Variants in TRPM6 observed in about 807,000 individuals in gnomAD.
TRPM6 encodes channel kinase 2.
A neutral mutation model predicts 247.6 loss-of-function variants in TRPM6; 111 were observed. The observed-to-expected ratio is 0.45, with a 90% CI of 0.38 to 0.52. The LOEUF is 0.52. Ranked by LOEUF, TRPM6 falls within the 20% of genes least tolerant of loss-of-function variation. The probability of loss-of-function intolerance (pLI) is 0.00; values close to 1 mark genes in which losing one functional copy is unlikely to be tolerated. For synonymous variants in TRPM6, 892 were observed against 853.8 expected, an observed-to-expected ratio of 1.04 and a Z score of -0.78; for missense variants, 2,126 against 2,421.5, an observed-to-expected ratio of 0.88 and a Z score of 2.56.
intron 14 of TRPM6, 104 bp downstream of exon 14, chr9:74,807,930 A>G (rs1828588648): frequency 1.9e-5 from 24 of 1,259,874 alleles, no homozygotes; most frequent in Middle Eastern, 2.3e-4. Context: ...AAATAAAATG[A>G]CCATTTTAGG....
chr9:74,819,252 C>T (rs570420278), intron 9 of TRPM6, among the ~76,000 whole-genome samples: 2 of 151,354 alleles, frequency 1.3e-5, no homozygotes, highest in South Asian at 2.1e-4. Flanking sequence ...GAGGTTGCAG[C>T]GAGCCAAGAT....
intron 3 of TRPM6, among the ~76,000 whole-genome samples, chr9:74,851,762 A>T (rs111877777): frequency 2.6e-5 from 3 of 116,608 alleles, no homozygotes; most frequent in African/African-American, 6.0e-5. Context: ...AAAAAAAAAA[A>T]AATATATATA....
intron 25 of TRPM6, among the ~76,000 whole-genome samples, chr9:74,769,676 T>G (rs1826956630): frequency 1.3e-5 from 2 of 151,746 alleles, no homozygotes; most frequent in African/African-American, 4.8e-5. Flanking sequence ...GAGAATTGCT[T>G]GAACCCGGGA....
At chr9:74,812,692 C>T (rs1288882823) in intron 11 of TRPM6, among the ~76,000 whole-genome samples, 1 of 152,002 alleles carries the variant, frequency 6.6e-6, no homozygotes, top group Non-Finnish European at 1.5e-5. Context: ...GTGTTCCAAA[C>T]CAGCCTTGGC....
chr9:74,833,957 C>G (rs747643604), intron 6 of TRPM6, 41 bp downstream of exon 6: 4 of 1,611,816 alleles, frequency 2.5e-6, no homozygotes, highest in East Asian at 4.5e-5. Flanking sequence ...AATTTGCACA[C>G]GTGTTCGTTT....
intron 26 of TRPM6, 55 bp from the exon 27 acceptor site, chr9:74,761,863 T>C: frequency 6.6e-7 from 1 of 1,519,146 alleles, no homozygotes; most frequent in Non-Finnish European, 9.1e-7. Context: ...GGGAACATTT[T>C]GTTTTACAGA....
At chr9:74,773,673 G>A (rs79451653) in intron 24 of TRPM6, among the ~76,000 whole-genome samples, 4,110 of 152,174 alleles carry the variant, frequency 0.027, 178 homozygotes, top group African/African-American at 0.091. Flanking sequence ...GAATGGTTTT[G>A]CTTACATTAG....
chr9:74,853,212 C>T (rs10869449), intron 3 of TRPM6, among the ~76,000 whole-genome samples: 46,612 of 150,372 alleles, frequency 0.31, 8,375 homozygotes, highest in East Asian at 0.5. Flanking sequence ...CCCCTCCGCC[C>T]GGCAGCCGCC....
At position 74,800,409 on chromosome 9, in the gene TRPM6, A is replaced by G. The variant is rs750342443; in HGVS notation, c.2083T>C (p.Leu695=). The change falls in exon 17 of 39, where the codon TTG becomes CTG. Residue 695 remains leucine, a synonymous_variant. Transcript: ENST00000360774. Reference sequence around the variant, plus strand: ...CTCCAGTTCCTGAGTTCATACGTCAACAGCGTCATGGCCATGCGCTCATTC... The same window carrying G: ...CTCCAGTTCCTGAGTTCATACGTCAGCAGCGTCATGGCCATGCGCTCATTC... ...KQNERMAMTL[L]TYELRNWSNS... is the part of the protein sequence containing the mutation. The G allele has an allele frequency of 6.2e-7, 1 of 1,614,050 alleles. No homozygotes were observed. The highest frequency in any genetic ancestry group is 8.5e-7 in the Non-Finnish European group (1 of 1,180,010).
At position 74,803,843 on chromosome 9, in the gene TRPM6, C is replaced by T; in HGVS notation, c.1682G>A (p.Ser561Asn). ...SSGNRNESAE[S>N]TLHSQFIRTA... is the part of the protein sequence containing the mutation. Reference sequence around the variant, plus strand: ...TCTAATGAACTGGGAGTGCAGCGTACTTTCTGCAGACTCATTTCTATTTCC... The same window carrying T: ...TCTAATGAACTGGGAGTGCAGCGTATTTTCTGCAGACTCATTTCTATTTCC... Residue 561 changes from serine to asparagine, a missense_variant, in exon 15 of 39, where the codon AGT becomes AAT. By Grantham distance (46) the Ser-to-Asn change is conservative (BLOSUM62 1). Coordinates refer to ENST00000360774, the MANE Select transcript of TRPM6 (RefSeq NM_017662.5). The T allele has an allele frequency of 3.1e-6, 5 of 1,613,870 alleles. No homozygotes were observed. Among genetic ancestry groups the T allele is most frequent in the Non-Finnish European group, 4.2e-6 (5 of 1,179,794 alleles).
chr9:74,761,716 T>A lies in TRPM6; in HGVS notation c.4765A>T (p.Thr1589Ser). The A allele has an allele frequency of 6.2e-7, 1 of 1,611,394 alleles. No homozygotes were observed. Among genetic ancestry groups the A allele is most frequent in the Non-Finnish European group, 8.5e-7 (1 of 1,177,626 alleles). ...DRRLSKKKKN[T>S]QGLQVPIITV... is the part of the protein sequence containing the mutation. ...CTTACTGGCACCTGGAGTCCTTGAG[T>A]ATTCTTCTTTTTCTTTGACAGTCTC... The change falls in exon 27 of 39, where the codon ACT becomes TCT. Residue 1589 changes from threonine (T) to serine (S), a missense_variant. By Grantham distance (58) the Thr-to-Ser change is moderately conservative. Around this residue, in one of 3 missense-constraint regions of TRPM6, gnomAD observed 717 missense variants for 715.9 expected, o/e 1.00. Coordinates refer to ENST00000360774, the MANE Select transcript of TRPM6 (RefSeq NM_017662.5).
chr9:74,839,886 G>T lies in TRPM6; in HGVS notation c.544+138C>A. ...GGAAGGAAGGAAGGAAGGAAGGAAG[G>T]AAGGAAGGAGGGAGGGAGGGAGGGA... On this transcript the variant is annotated intron_variant, in intron 5 of 38. Transcript: ENST00000360774. The T allele has an allele frequency of 1.4e-5, 8 of 577,350 alleles. No homozygotes were observed. In the South Asian group the frequency reaches 1.5e-4, roughly 11 times the overall value. The allele number at this position is 577,350 out of a possible 1,614,324, so 35.8% of individuals were successfully genotyped here.
chr9:74,821,567 TA>T, intron 8 of TRPM6, 101 bp downstream of exon 8: 1 of 1,372,984 alleles, frequency 7.3e-7, no homozygotes, highest in Non-Finnish European at 1.0e-6. Context: ...TCAACTTCTA[TA>T]ATCCAAGAAT....
At chr9:74,881,914 G>A (rs1831376967) in intron 1 of TRPM6, among the ~76,000 whole-genome samples, 1 of 152,138 alleles carries the variant, frequency 6.6e-6, no homozygotes, top group Non-Finnish European at 1.5e-5. Context: ...ACAGCTAACT[G>A]AATTTTGACA....
Position 74,762,885 on chromosome 9 carries a change from T to C in TRPM6, c.3786A>G (p.Leu1262=), listed in dbSNP as rs1826701555. ...SWSNVICAEV[L]GSMEIAGEKK... ...TCTCTCCAGCGATCTCCATGCTGCC[T>C]AGAACCTCTGCACAGATGACATTGC... Residue 1262 remains leucine, a synonymous_variant, in exon 26 of 39, where the codon CTA becomes CTG. Transcript: ENST00000360774. 1.9e-6 allele frequency: 3 copies of C among 1,613,486 alleles called. No homozygotes were observed. Among genetic ancestry groups the C allele is most frequent in the Admixed American group, 1.7e-5 (1 of 59,938 alleles).
At chr9:74,795,582 C>T (rs748118377) in intron 18 of TRPM6, among the ~76,000 whole-genome samples, 1 of 152,158 alleles carries the variant, frequency 6.6e-6, no homozygotes, top group East Asian at 1.9e-4. Context: ...CTCACCACAT[C>T]GTCAAGTCAG....
At chr9:74,771,120 T>C (rs1195093820) in intron 25 of TRPM6, among the ~76,000 whole-genome samples, 1 of 152,140 alleles carries the variant, frequency 6.6e-6, no homozygotes, top group African/African-American at 2.4e-5. Flanking sequence ...GCGCTTGCTG[T>C]TCCTTCCGCC....
chr9:74,744,315 T>G, intron 31 of TRPM6, 170 bp from the exon 32 acceptor site: 2 of 692,980 alleles, frequency 2.9e-6, no homozygotes, highest in South Asian at 3.2e-5. Flanking sequence ...CATGGTATCC[T>G]GACAGCTTCC....
intron 27 of TRPM6, among the ~76,000 whole-genome samples, chr9:74,755,955 T>C (rs563086135): frequency 6.6e-6 from 1 of 152,216 alleles, no homozygotes; most frequent in African/African-American, 2.4e-5. Context: ...GGAAAATCAC[T>C]TAATGTCTCT....
Sources: allele counts gnomAD v4.1 joint callset (sites outside exome capture counted in the v4.1 genomes callset), GRCh38; gene constraint gnomAD v4.1.1; regional missense constraint gnomAD v4.1.1; transcripts MANE v1.5; gene names NCBI Gene and HGNC (gene_info 2026-07-23, HGNC 2026-07-21).